EVPLL: variants seen among roughly 807,000 people sequenced by gnomAD.
EVPLL encodes the protein envoplakin like, also known as envoplakin-like protein.
Under a neutral mutation model 46.2 loss-of-function variants are expected in EVPLL, and 39 were observed. That is an observed-to-expected ratio of 0.84 (90% confidence interval 0.65 to 1.10). The LOEUF is 1.10. Ranked by LOEUF, EVPLL falls within the 50% of genes least tolerant of loss-of-function variation. The pLI is 0.00. For missense variants in EVPLL, 385 were observed against 412.6 expected (o/e 0.93, Z 0.58); for synonymous variants, 156 against 165.8 (o/e 0.94, Z 0.46).
rs1987653954 is a variant in EVPLL at position 18,383,255 on chromosome 17, C to T, written c.673-16C>T. ...TCCTGGTCCTCACCGCCGCTCCCCA[C>T]CCGACTCGCCCCCAGCACTTCAAGC... On this transcript the variant is annotated splice_polypyrimidine_tract_variant and intron_variant, in intron 7 of 10. Coordinates refer to ENST00000399134, the MANE Select transcript of EVPLL (RefSeq NM_001145127.2). 12 of 1,567,124 alleles carry T rather than the reference C, an allele frequency of 7.7e-6. No homozygotes were observed. Among genetic ancestry groups the T allele is most frequent in the Non-Finnish European group, 1.0e-5 (12 of 1,159,052 alleles).
At chr17:18,380,600 G>A (rs540724833) in intron 1 of EVPLL, 1 of 260,878 alleles carries the variant, frequency 3.8e-6, no homozygotes, top group African/African-American at 2.2e-5. Context: ...AGGCAGCTGG[G>A]TGGGGTCGGG....
intron 9 of EVPLL, among the ~76,000 whole-genome samples, chr17:18,384,952 A>G (rs1478769009): frequency 7.1e-6 from 1 of 140,658 alleles, no homozygotes; most frequent in Non-Finnish European, 1.5e-5. Context: ...GAGGAGGCTG[A>G]GAGGGAGAGG....
In EVPLL at chr17:18,377,859, C is replaced by T. The variant is rs1472140630; in HGVS notation, c.-161C>T. ...GCCCTCCTTCACCAGCCAAGCCCAG[C>T]CTGAGCCAGCACCTGCCTTTATGAC... On this transcript the variant is annotated 5_prime_UTR_variant, in exon 1 of 11. Transcript: ENST00000399134. The T allele has an allele frequency of 2.5e-5, 22 of 892,778 alleles. No homozygotes were observed. The highest frequency in any genetic ancestry group is 3.3e-5 in the Non-Finnish European group (19 of 583,620). The allele number at this position is 892,778 out of a possible 1,614,324, so 55.3% of individuals were successfully genotyped here.
Position 18,383,129 on chromosome 17 carries a change from C to A in EVPLL, c.616C>A (p.Gln206Lys), listed in dbSNP as rs1412972272. Residue 206 changes from glutamine (Q) to lysine (K), a missense_variant, in exon 7 of 11, where the codon CAG becomes AAG. Gln to Lys is a moderately conservative substitution (Grantham distance 53). Coordinates refer to ENST00000399134, the MANE Select transcript of EVPLL (RefSeq NM_001145127.2). ...ALAEQQRRIL[Q>K]QDWSDLMADP... The stretch of plus-strand genomic sequence containing the variant: ...GGCGGAGCAGCAGCGCCGCATCCTG[C>A]AGCAGGACTGGAGCGACCTCATGGC... 1.3e-6 allele frequency: 2 copies of A among 1,550,710 alleles called. No individual in the cohort carries two copies. Among genetic ancestry groups the A allele is most frequent in the Non-Finnish European group, 1.7e-6 (2 of 1,154,226 alleles).
At chr17:18,387,189 G>A (rs1324803170) in intron 9 of EVPLL, among the ~76,000 whole-genome samples, 1 of 150,856 alleles carries the variant, frequency 6.6e-6, no homozygotes, top group African/African-American at 2.4e-5. Context: ...GTGAGCCACC[G>A]CGCCTGGCCT....
At chr17:18,383,942 T>C (rs1016605109) in intron 9 of EVPLL, among the ~76,000 whole-genome samples, 4 of 152,012 alleles carry the variant, frequency 2.6e-5, no homozygotes, top group Admixed American at 2.0e-4. Context: ...CACTGCATTC[T>C]AGCCTGGGTG....
intron 9 of EVPLL, 191 bp from the exon 10 acceptor site, chr17:18,388,028 A>AC (rs1555596616): frequency 6.7e-6 from 1 of 149,832 alleles, no homozygotes; most frequent in African/African-American, 3.2e-5. Context: ...CTCTCTCTCC[A>AC]TATATATATA....
Position 18,380,914 on chromosome 17 carries a change from G to A in EVPLL, c.-24G>A. ...TCCACCCACCAAGAATGCCACCCAG[G>A]AGCTGACCCTGCTCATCTCCCACAT... On this transcript the variant is annotated 5_prime_UTR_variant, in exon 2 of 11. Transcript: ENST00000399134. 6.3e-7 allele frequency: 1 copy of A among 1,575,966 alleles called. No homozygotes were observed. The highest frequency in any genetic ancestry group is 8.6e-7 in the Non-Finnish European group (1 of 1,161,840).
chr17:18,385,115 C>T (rs546477849), intron 9 of EVPLL, among the ~76,000 whole-genome samples: 7 of 150,974 alleles, frequency 4.6e-5, no homozygotes, highest in South Asian at 2.1e-4. Flanking sequence ...TCCCAGTTTC[C>T]GGTGCAGTTG....
chr17:18,379,334 AG>A (rs1355009083), intron 1 of EVPLL, among the ~76,000 whole-genome samples: 2 of 152,244 alleles, frequency 1.3e-5, no homozygotes, highest in African/African-American at 4.8e-5. Flanking sequence ...TTACCCCGAT[AG>A]GGATCAAGGC....
At position 18,381,619 on chromosome 17, in the gene EVPLL, G is replaced by A. The variant is rs764103587; in HGVS notation, c.235G>A (p.Glu79Lys). The A allele has an allele frequency of 1.7e-5, 28 of 1,614,158 alleles. No homozygotes were observed. The highest frequency in any genetic ancestry group is 6.7e-5 in the African/African-American group (5 of 75,062). The change falls in exon 4 of 11, where the codon GAG (glutamate) becomes AAG (lysine). Residue 79 changes from glutamate (E) to lysine (K), a missense_variant. Glu to Lys is a moderately conservative substitution (Grantham distance 56). Transcript: ENST00000399134. The surrounding 1 kb of genome is among the most constrained non-coding windows in gnomAD (Gnocchi z 4.2). ...ETEKDIEQLH[E>K]RVTQECAEYC... Reference sequence around the variant, plus strand: ...TCTTGACAGCATCGAGCAGCTGCACGAGCGGGTGACCCAGGAGTGTGCGGA... The same window carrying A: ...TCTTGACAGCATCGAGCAGCTGCACAAGCGGGTGACCCAGGAGTGTGCGGA...
intron 6 of EVPLL, 56 bp from the exon 7 acceptor site, chr17:18,382,969 T>A (rs1272432483): frequency 1.9e-6 from 3 of 1,568,898 alleles, no homozygotes; most frequent in Non-Finnish European, 1.7e-6. Context: ...ATGGCGCCTT[T>A]TGCCCCCCAC....
chr17:18,383,439 A>AGGG, intron 8 of EVPLL, 53 bp from the exon 9 acceptor site: 1 of 1,154,214 alleles, frequency 8.7e-7, no homozygotes, highest in Non-Finnish European at 1.2e-6. Flanking sequence ...GGGGGGGTGG[A>AGGG]CGTGGGTGCG....
Position 18,380,894 on chromosome 17 carries a change from C to G in EVPLL, c.-36-8C>G, listed in dbSNP as rs567724594. 8 of 1,562,188 alleles carry G rather than the reference C, an allele frequency of 5.1e-6. No homozygotes were observed. The highest frequency in any genetic ancestry group is 6.9e-6 in the Non-Finnish European group (8 of 1,153,728). Reference sequence around the variant, plus strand: ...CCGAGCTGCCCACTGTCCCCTCCACCCACCAAGAATGCCACCCAGGAGCTG... The same window carrying G: ...CCGAGCTGCCCACTGTCCCCTCCACGCACCAAGAATGCCACCCAGGAGCTG... On this transcript the variant is annotated splice_polypyrimidine_tract_variant and splice_region_variant and intron_variant, in intron 1 of 10. Transcript: ENST00000399134.
intron 4 of EVPLL, 172 bp from the exon 5 acceptor site, chr17:18,382,341 A>G (rs1414515045): frequency 2.6e-6 from 2 of 769,380 alleles, no homozygotes; most frequent in Non-Finnish European, 4.0e-6. Context: ...GCCACCCTGC[A>G]GAGCAGAATG....
chr17:18,387,351 G>C (rs911833683), intron 9 of EVPLL, among the ~76,000 whole-genome samples: 1 of 151,566 alleles, frequency 6.6e-6, no homozygotes, highest in Admixed American at 6.6e-5. Flanking sequence ...CATTTGTCAT[G>C]ACCGCTTTAA....
rs554118632 is a variant in EVPLL, at chr17:18,382,358, C to T, written c.347-155C>T. 24 of 1,017,258 alleles carry T rather than the reference C, an allele frequency of 2.4e-5. No individual in the cohort carries two copies. The African/African-American group carries it at 3.4e-4, about 14-fold the overall frequency. 63.0% of individuals were successfully genotyped at this position (1,017,258 alleles called of 1,614,324 possible). A position where few individuals can be genotyped will look rare whatever the true frequency, so the allele number is the denominator to read the frequency against. ...CACCCTGCAGAGCAGAATGGCTCAC[C>T]CTGGGTGAGCTGCAGGGCGTGCACC... is the stretch of plus-strand genomic sequence containing the variant. On this transcript the variant is annotated intron_variant, in intron 4 of 10. Transcript: ENST00000399134.
intron 8 of EVPLL, 22 bp from the exon 9 acceptor site, chr17:18,383,470 G>A: frequency 1.3e-6 from 2 of 1,554,872 alleles, no homozygotes; most frequent in Non-Finnish European, 1.7e-6. Context: ...GTGGTCCGAG[G>A]GCTCCGTGCT....
chr17:18,383,354 G>A lies in EVPLL; in HGVS notation c.756G>A (p.Arg252=). 1.4e-6 allele frequency: 2 copies of A among 1,451,810 alleles called. No homozygotes were observed. The highest frequency in any genetic ancestry group is 9.2e-7 in the Non-Finnish European group (1 of 1,081,542). 89.9% of individuals were successfully genotyped at this position (1,451,810 alleles called of 1,614,324 possible). A position where few individuals can be genotyped will look rare whatever the true frequency, so the allele number is the denominator to read the frequency against. Residue 252 remains arginine, a synonymous_variant, in exon 8 of 11, where the codon CGG becomes CGA. Transcript: ENST00000399134. ...ACGGCAAGCGCATGGTGGAGCTGCG[G>A]CACCCCGCGGTGGGGCCCATCCAGG... ...EEDGKRMVEL[R]HPAVGPIQAH...
Sources: allele counts gnomAD v4.1 joint callset (sites outside exome capture counted in the v4.1 genomes callset), GRCh38; gene constraint gnomAD v4.1.1; non-coding constraint Gnocchi (gnomAD v3.1); transcripts MANE v1.5; gene names NCBI Gene and HGNC (gene_info 2026-07-23, HGNC 2026-07-21).